Variants in PRKCA observed in about 807,000 individuals in gnomAD.
PRKCA encodes the protein protein kinase C alpha type.
PRKCA carries 27 observed loss-of-function variants against 87.0 expected under a neutral mutation model. The observed-to-expected ratio is 0.31, with a 90% CI of 0.23 to 0.43. The LOEUF is 0.43. Ranked by LOEUF, PRKCA falls within the 20% of genes least tolerant of loss-of-function variation. PRKCA has a pLI of 1.00. For missense variants in PRKCA, 518 were observed against 852.3 expected, an observed-to-expected ratio of 0.61 and a Z score of 4.88; for synonymous variants, 329 against 311.1, an observed-to-expected ratio of 1.06 and a Z score of -0.61.
In PRKCA at chr17:66,792,173, G is replaced by A. The variant is rs1975555329; in HGVS notation, c.1854+3194G>A. Among the ~76,000 whole-genome samples, 2 of 152,152 alleles carry A rather than the reference G, an allele frequency of 1.3e-5. No individual in the cohort carries two copies. The highest frequency in any genetic ancestry group is 4.1e-4 in the South Asian group (2 of 4,824). ...TTTTTTAGCAAGCGCTGGTGAGTCA[G>A]TTTCCCTGAGACTTGCAGGCTTAAG... is the stretch of plus-strand genomic sequence containing the variant. On this transcript the variant is annotated intron_variant, in intron 16 of 16. Coordinates refer to ENST00000413366, the MANE Select transcript of PRKCA (RefSeq NM_002737.3). The surrounding 1 kb of genome is among the most constrained non-coding windows in gnomAD (Gnocchi z 4.5).
intron 3 of PRKCA, among the ~76,000 whole-genome samples, chr17:66,509,970 G>A (rs1394702783): frequency 1.3e-5 from 2 of 152,138 alleles, no homozygotes; most frequent in African/African-American, 2.4e-5. Flanking sequence ...ATAGACTTGA[G>A]TCAAGCTTGT....
chr17:66,600,783 G>T (rs1219487951), intron 3 of PRKCA, among the ~76,000 whole-genome samples: 1 of 33,272 alleles, frequency 3.0e-5, no homozygotes, highest in Non-Finnish European at 4.8e-5. Flanking sequence ...AGGCCTGGTG[G>T]TGACAAAATC....
intron 14 of PRKCA, among the ~76,000 whole-genome samples, chr17:66,785,051 A>G (rs1222876218): frequency 6.6e-6 from 1 of 152,190 alleles, no homozygotes; most frequent in Non-Finnish European, 1.5e-5. Context: ...CAACAGAAAA[A>G]GAGGCCTATT....
chr17:66,483,755 C>G (rs1286062199), intron 2 of PRKCA, among the ~76,000 whole-genome samples: 1 of 152,096 alleles, frequency 6.6e-6, no homozygotes, highest in Non-Finnish European at 1.5e-5. Context: ...CCACCGCACC[C>G]AGCCCAAATT....
intron 2 of PRKCA, among the ~76,000 whole-genome samples, chr17:66,321,945 C>T (rs1183205431): frequency 1.3e-5 from 2 of 152,210 alleles, no homozygotes; most frequent in Admixed American, 1.3e-4. Flanking sequence ...TCAAACCATC[C>T]TTGGCTCTAA....
chr17:66,378,141 G>A (rs1394499774), intron 2 of PRKCA, among the ~76,000 whole-genome samples: 1 of 152,030 alleles, frequency 6.6e-6, no homozygotes, highest in Non-Finnish European at 1.5e-5. Context: ...TGGGCAACAT[G>A]GCAAAACCCT....
intron 5 of PRKCA, among the ~76,000 whole-genome samples, chr17:66,669,621 T>C (rs1317422116): frequency 6.6e-6 from 1 of 152,166 alleles, no homozygotes; most frequent in Non-Finnish European, 1.5e-5. Context: ...CATTCTGGGC[T>C]GGGTGCGGTG....
At chr17:66,763,241 G>A (rs762593244) in intron 13 of PRKCA, among the ~76,000 whole-genome samples, 5 of 152,184 alleles carry the variant, frequency 3.3e-5, no homozygotes, top group Admixed American at 2.6e-4. Flanking sequence ...TGTCTGCCCC[G>A]TGCCTGAGGT....
At chr17:66,547,114 A>G (rs758542078) in intron 3 of PRKCA, among the ~76,000 whole-genome samples, 38 of 152,072 alleles carry the variant, frequency 2.5e-4, no homozygotes, top group Non-Finnish European at 4.6e-4. Context: ...GCCCTTACCT[A>G]TCTACCTTCC....
At chr17:66,709,857 A>G (rs910078419) in intron 8 of PRKCA, among the ~76,000 whole-genome samples, 2 of 152,152 alleles carry the variant, frequency 1.3e-5, no homozygotes, top group African/African-American at 4.8e-5. Flanking sequence ...AATCATCAAG[A>G]AAAAACAAAA....
At chr17:66,499,695 C>T (rs1277585599) in intron 3 of PRKCA, among the ~76,000 whole-genome samples, 1 of 152,066 alleles carries the variant, frequency 6.6e-6, no homozygotes, top group Non-Finnish European at 1.5e-5. Flanking sequence ...ATGTCCTGCT[C>T]CTAATCTTGT....
chr17:66,693,828 T>C (rs1972845291), intron 8 of PRKCA, among the ~76,000 whole-genome samples: 1 of 152,202 alleles, frequency 6.6e-6, no homozygotes, highest in Non-Finnish European at 1.5e-5. Flanking sequence ...AGTGTTGGTG[T>C]ATTCCAATAA....
At chr17:66,688,203 A>G in intron 6 of PRKCA, 99 bp from the exon 7 acceptor site, 5 of 1,445,746 alleles carry the variant, frequency 3.5e-6, no homozygotes, top group Non-Finnish European at 4.7e-6. Flanking sequence ...AGACAAATAT[A>G]CTATTTCTTT....
At chr17:66,740,522 G>A (rs920505225) in intron 11 of PRKCA, among the ~76,000 whole-genome samples, 3 of 152,150 alleles carry the variant, frequency 2.0e-5, no homozygotes, top group Admixed American at 1.3e-4. Context: ...ATGCACCCTA[G>A]GGAAGATTAA....
At chr17:66,718,491 AT>A (rs1409481216) in intron 8 of PRKCA, among the ~76,000 whole-genome samples, 2 of 152,066 alleles carry the variant, frequency 1.3e-5, no homozygotes, top group Non-Finnish European at 2.9e-5. Flanking sequence ...TTTTAAAATT[AT>A]TTTTTGTAGA....
At chr17:66,450,361 G>A (rs903119632) in intron 2 of PRKCA, among the ~76,000 whole-genome samples, 3 of 152,166 alleles carry the variant, frequency 2.0e-5, no homozygotes, top group East Asian at 3.9e-4. Flanking sequence ...CAATGGTACC[G>A]CAGAGGGGTG....
intron 3 of PRKCA, among the ~76,000 whole-genome samples, chr17:66,516,700 C>A (rs1966981479): frequency 1.3e-5 from 2 of 152,078 alleles, no homozygotes; most frequent in South Asian, 4.1e-4. Flanking sequence ...GGTGGACTCA[C>A]CTTGGGAACT....
chr17:66,798,298 G>A (rs1286565260), intron 16 of PRKCA, among the ~76,000 whole-genome samples: 4 of 151,516 alleles, frequency 2.6e-5, no homozygotes, highest in African/African-American at 7.3e-5. Flanking sequence ...CATTAGGAAT[G>A]CAGTACCTTC....
intron 2 of PRKCA, among the ~76,000 whole-genome samples, chr17:66,481,760 C>T (rs548033021): frequency 1.3e-5 from 2 of 152,252 alleles, no homozygotes; most frequent in South Asian, 2.1e-4. Flanking sequence ...GAGCTTCATG[C>T]GTGTCTGTGG....
Sources: gnomAD v4.1 joint callset for allele counts (sites outside exome capture counted in the v4.1 genomes callset) on GRCh38, gnomAD v4.1.1 for gene constraint, Gnocchi (gnomAD v3.1) non-coding constraint, MANE v1.5 for transcripts, NCBI Gene and HGNC (gene_info 2026-07-23, HGNC 2026-07-21) for gene names.